The following KAZN variants were observed in gnomAD, a reference collection of about 807,000 sequenced individuals.
The protein encoded by KAZN is kazrin, periplakin interacting protein.
A neutral mutation model predicts 87.4 loss-of-function variants in KAZN; 40 were observed. The ratio of observed to expected loss-of-function variants is 0.46; its 90% CI spans 0.36 to 0.60. KAZN has a LOEUF of 0.60. Among genes scored for constraint, KAZN ranks in the 20% least tolerant of loss-of-function variants. KAZN has a pLI of 0.00. For synonymous variants in KAZN, 466 were observed against 458.3 expected (o/e 1.02, Z -0.22); for missense variants, 898 against 1,073.9 (o/e 0.84, Z 2.29).
chr1:14,529,944 C>T (rs1221873653), intron 2 of KAZN, among the ~76,000 whole-genome samples: 1 of 152,192 alleles, frequency 6.6e-6, no homozygotes, highest in East Asian at 1.9e-4. Flanking sequence ...AGAGAACTTG[C>T]AGAACACAGC....
rs58658629 is a variant in KAZN, at chr1:15,112,329, A to ATGTG, written c.2049-56_2049-53dup. ...TCAGCAGCTGTGGTCATTGTCACCA[A>ATGTG]TGTGTGTGTGTGTGTGTGTGTGTGT... On this transcript the variant is annotated intron_variant, in intron 13 of 14. Transcript: ENST00000376030. The ATGTG allele has an allele frequency of 6.6e-3, 4,216 of 637,694 alleles. 14 individuals are homozygous for ATGTG. The highest frequency in any genetic ancestry group is 0.02 in the African/African-American group (1,055 of 53,268). 39.5% of individuals were successfully genotyped at this position (637,694 alleles called of 1,614,324 possible).
intron 2 of KAZN, among the ~76,000 whole-genome samples, chr1:14,961,643 A>T (rs965541485): frequency 1.3e-5 from 2 of 152,200 alleles, no homozygotes; most frequent in Non-Finnish European, 2.9e-5. Flanking sequence ...TGGGGAAAAC[A>T]CAGCCTTTGG....
At chr1:14,757,645 T>C (rs564468613) in intron 1 of KAZN, among the ~76,000 whole-genome samples, 1 of 152,334 alleles carries the variant, frequency 6.6e-6, no homozygotes, top group South Asian at 2.1e-4. Flanking sequence ...GAATCAAAAC[T>C]GCTGCTTTTT....
chr1:14,121,420 A>T (rs973228481), intron 1 of KAZN, among the ~76,000 whole-genome samples: 1 of 152,162 alleles, frequency 6.6e-6, no homozygotes, highest in African/African-American at 2.4e-5. Context: ...TGTTCATTTT[A>T]CAGAAGGAAA....
intron 2 of KAZN, among the ~76,000 whole-genome samples, chr1:14,289,311 A>T (rs1653498509): frequency 6.6e-6 from 1 of 152,074 alleles, no homozygotes; most frequent in African/African-American, 2.4e-5. Context: ...ATTGTGTGGG[A>T]GTCTAAGTCT....
At chr1:15,112,583 G>A (rs1384206548) in intron 14 of KAZN, 42 bp downstream of exon 14, 7 of 1,385,000 alleles carry the variant, frequency 5.1e-6, no homozygotes, top group East Asian at 4.9e-5. Context: ...CTGCAGACCC[G>A]GGAAAGGTCT....
chr1:14,912,270 C>A (rs1657337096), intron 1 of KAZN, among the ~76,000 whole-genome samples: 1 of 152,062 alleles, frequency 6.6e-6, no homozygotes, highest in South Asian at 2.1e-4. Context: ...ACATTGGGGT[C>A]TCCCAGTAGT....
At chr1:14,720,756 G>A (rs1447869991) in intron 1 of KAZN, among the ~76,000 whole-genome samples, 2 of 151,894 alleles carry the variant, frequency 1.3e-5, no homozygotes, top group East Asian at 1.9e-4. Context: ...TCACTCTGTC[G>A]CCCAGGCTGG....
chr1:14,385,821 T>C (rs2101067011), intron 2 of KAZN, among the ~76,000 whole-genome samples: 1 of 149,652 alleles, frequency 6.7e-6, no homozygotes, highest in East Asian at 2.0e-4. Flanking sequence ...TGTAGATGTC[T>C]ATTAGGTCCG....
chr1:14,967,714 C>T (rs1393230291), intron 2 of KAZN, among the ~76,000 whole-genome samples: 2 of 152,126 alleles, frequency 1.3e-5, no homozygotes, highest in Non-Finnish European at 2.9e-5. Context: ...GCTTTGAAGA[C>T]ACAGGAAGGG....
intron 1 of KAZN, among the ~76,000 whole-genome samples, chr1:14,655,882 G>C (rs372402753): frequency 2.0e-5 from 3 of 152,188 alleles, no homozygotes; most frequent in Non-Finnish European, 2.9e-5. Context: ...GAGACACAGG[G>C]TTTTACTGGG....
At chr1:14,549,206 T>C (rs1027810566) in intron 2 of KAZN, among the ~76,000 whole-genome samples, 2 of 152,226 alleles carry the variant, frequency 1.3e-5, no homozygotes, top group African/African-American at 4.8e-5. Flanking sequence ...CTGTCTTTCT[T>C]GCACCTTGGG....
chr1:14,627,171 G>T (rs1454698678), intron 1 of KAZN, among the ~76,000 whole-genome samples: 1 of 151,752 alleles, frequency 6.6e-6, no homozygotes, highest in Non-Finnish European at 1.5e-5. Context: ...TTGTTTTGAT[G>T]GGGGCATCAG....
At chr1:14,348,449 T>C (rs778310647) in intron 2 of KAZN, among the ~76,000 whole-genome samples, 2 of 152,204 alleles carry the variant, frequency 1.3e-5, no homozygotes, top group Non-Finnish European at 2.9e-5. Flanking sequence ...GCCAAAGCCC[T>C]ATTTATAAGT....
At chr1:13,955,427 T>C (rs1234071281) in intron 1 of KAZN, among the ~76,000 whole-genome samples, 6 of 152,106 alleles carry the variant, frequency 3.9e-5, no homozygotes, top group Non-Finnish European at 7.3e-5. Flanking sequence ...GTCCTTTAAA[T>C]AATTTTAAAA....
At chr1:14,364,783 C>T (rs1054448769) in intron 2 of KAZN, among the ~76,000 whole-genome samples, 4 of 152,186 alleles carry the variant, frequency 2.6e-5, no homozygotes, top group African/African-American at 9.7e-5. Context: ...AGAATTGTTC[C>T]TTGTCTCTTT....
intron 2 of KAZN, among the ~76,000 whole-genome samples, chr1:14,411,487 GGTTTTGCCAT>G (rs1165871603): frequency 6.6e-6 from 1 of 152,154 alleles, no homozygotes; most frequent in Non-Finnish European, 1.5e-5. Context: ...ATAGAGATGG[GGTTTTGCCAT>G]GTTGGCCAGG....
chr1:15,026,460 C>T (rs568622360), intron 2 of KAZN, among the ~76,000 whole-genome samples: 2 of 152,272 alleles, frequency 1.3e-5, no homozygotes, highest in South Asian at 2.1e-4. Context: ...AAAGGAAGCT[C>T]ACAGACTCCA....
intron 1 of KAZN, among the ~76,000 whole-genome samples, chr1:14,639,873 G>T (rs777379930): frequency 2.0e-5 from 3 of 152,278 alleles, no homozygotes; most frequent in South Asian, 2.1e-4. Context: ...CCATCGAGCA[G>T]CTGTGAACCT....
Sources: gnomAD v4.1 joint callset for allele counts (sites outside exome capture counted in the v4.1 genomes callset) on GRCh38, gnomAD v4.1.1 for gene constraint, MANE v1.5 for transcripts, NCBI Gene and HGNC (gene_info 2026-07-23, HGNC 2026-07-21) for gene names.